The following TAFA4 variants were observed in gnomAD, a reference collection of about 807,000 sequenced individuals.
TAFA4 encodes the protein TAFA chemokine like family member 4.
A neutral mutation model predicts 21.1 loss-of-function variants in TAFA4; 20 were observed. The ratio of observed to expected loss-of-function variants is 0.95; its 90% confidence interval spans 0.67 to 1.38. TAFA4 has a LOEUF of 1.38. Ranked by LOEUF, TAFA4 falls within the 40% of genes most tolerant of loss-of-function variation. The pLI is 0.00. For synonymous variants in TAFA4, 71 were observed against 67.4 expected (o/e 1.05, Z -0.26); for missense variants, 211 against 180.9 (o/e 1.17, Z -0.95).
chr3:68,873,960 C>T (rs926034720), intron 3 of TAFA4, among the ~76,000 whole-genome samples: 20 of 152,132 alleles, frequency 1.3e-4, no homozygotes, highest in Admixed American at 1.2e-3. Context: ...TGAAAAATTG[C>T]CTGCTGCTAA....
At chr3:68,737,705 G>C (rs923124519) in intron 5 of TAFA4, among the ~76,000 whole-genome samples, 1 of 152,072 alleles carries the variant, frequency 6.6e-6, no homozygotes, top group African/African-American at 2.4e-5. Flanking sequence ...TTCACACTTA[G>C]AAGGAGAACT....
At chr3:68,789,135 G>A (rs1703317378) in intron 3 of TAFA4, among the ~76,000 whole-genome samples, 1 of 151,950 alleles carries the variant, frequency 6.6e-6, no homozygotes, top group Admixed American at 6.6e-5. Flanking sequence ...GGGGGCTGAG[G>A]CAGGAGAATG....
intron 4 of TAFA4, among the ~76,000 whole-genome samples, chr3:68,744,329 G>T (rs1049930697): frequency 6.6e-5 from 10 of 152,194 alleles, no homozygotes; most frequent in African/African-American, 2.4e-4. Flanking sequence ...AGGGTGTCTG[G>T]GAAGGAACCA....
intron 1 of TAFA4, among the ~76,000 whole-genome samples, chr3:68,904,926 G>A (rs1032358010): frequency 1.6e-4 from 24 of 152,172 alleles, no homozygotes; most frequent in African/African-American, 5.6e-4. Flanking sequence ...TGCAGCTGTG[G>A]CCAAAATCAG....
intron 3 of TAFA4, among the ~76,000 whole-genome samples, chr3:68,860,566 G>A (rs2089323348): frequency 6.6e-6 from 1 of 152,094 alleles, no homozygotes; most frequent in African/African-American, 2.4e-5. Context: ...GGATTAAAAG[G>A]AAAACTGAAT....
At chr3:68,927,485 T>C (rs1038354824) in intron 1 of TAFA4, among the ~76,000 whole-genome samples, 9 of 152,256 alleles carry the variant, frequency 5.9e-5, no homozygotes, top group South Asian at 2.1e-4. Context: ...TAGAATGTTC[T>C]ATTGCTTTCT....
intron 1 of TAFA4, among the ~76,000 whole-genome samples, chr3:68,891,581 T>C (rs1024852521): frequency 3.9e-5 from 6 of 152,104 alleles, no homozygotes; most frequent in African/African-American, 1.4e-4. Flanking sequence ...ATGTAAGAGG[T>C]GACACCCTAA....
At chr3:68,768,471 A>C (rs1284153747) in intron 3 of TAFA4, among the ~76,000 whole-genome samples, 1 of 152,210 alleles carries the variant, frequency 6.6e-6, no homozygotes, top group Admixed American at 6.5e-5. Context: ...ATGTGGAGAA[A>C]ATGGAGTGGT....
chr3:68,771,364 G>A (rs1024474168), intron 3 of TAFA4, among the ~76,000 whole-genome samples: 7 of 152,226 alleles, frequency 4.6e-5, no homozygotes, highest in Non-Finnish European at 1.0e-4. Flanking sequence ...GGGAATCGCA[G>A]ACATGACACC....
chr3:68,931,239 A>G (rs1421164673), intron 1 of TAFA4, among the ~76,000 whole-genome samples: 3 of 152,048 alleles, frequency 2.0e-5, no homozygotes, highest in African/African-American at 4.8e-5. Flanking sequence ...GTTAAAAGGG[A>G]AAAGAGTTCA....
intron 3 of TAFA4, among the ~76,000 whole-genome samples, chr3:68,797,844 T>C (rs901054104): frequency 1.3e-5 from 2 of 152,118 alleles, no homozygotes; most frequent in African/African-American, 2.4e-5. Flanking sequence ...AGTTTCAGCT[T>C]TGTAAAATGA....
chr3:68,930,850 T>A (rs2090151832), intron 1 of TAFA4, among the ~76,000 whole-genome samples: 1 of 152,220 alleles, frequency 6.6e-6, no homozygotes. Context: ...AAGTCATACA[T>A]TTGTTCTCAG....
chr3:68,753,334 G>GTTT (rs4065540), intron 3 of TAFA4, among the ~76,000 whole-genome samples: 21,505 of 114,204 alleles, frequency 0.19, 3,036 homozygotes, highest in East Asian at 0.59. Flanking sequence ...GATTGATAGA[G>GTTT]TTTTTTTTTT....
chr3:68,924,257 A>T (rs1450322680), intron 1 of TAFA4, among the ~76,000 whole-genome samples: 1 of 152,254 alleles, frequency 6.6e-6, no homozygotes, highest in Non-Finnish European at 1.5e-5. Context: ...AAGGACAAAT[A>T]AAAAATAAAG....
intron 3 of TAFA4, among the ~76,000 whole-genome samples, chr3:68,802,910 G>T (rs759266983): frequency 6.6e-6 from 1 of 152,202 alleles, no homozygotes; most frequent in Non-Finnish European, 1.5e-5. Flanking sequence ...TTGAAGTGGA[G>T]CTTTGATTGC....
chr3:68,930,183 CAT>C lies in TAFA4; in HGVS notation c.-123+2055_-123+2056del, dbSNP rs201623974. Among the ~76,000 whole-genome samples the C allele has an allele frequency of 2.0e-4, 30 of 152,232 alleles. No homozygotes were observed. The East Asian group carries it at 5.6e-3, about 28-fold the overall frequency. ...TGGAACTAGGTCATCAAACAATACA[CAT>C]GTCTAAAAAGATCAGAAAATGAATA... On this transcript the variant is annotated intron_variant, in intron 1 of 5. Coordinates refer to ENST00000295569, the MANE Select transcript of TAFA4 (RefSeq NM_182522.5).
Position 68,767,223 on chromosome 3 carries a change from T to C in TAFA4, c.131-14205A>G, listed in dbSNP as rs184201142. Among the ~76,000 whole-genome samples the C allele has an allele frequency of 1.8e-3, 279 of 152,226 alleles. 1 individual carries two copies. Among genetic ancestry groups the C allele is most frequent in the African/African-American group, 6.4e-3 (268 of 41,552 alleles). On this transcript the variant is annotated intron_variant, in intron 3 of 5. Coordinates refer to ENST00000295569, the MANE Select transcript of TAFA4 (RefSeq NM_182522.5). ...AATTATTTAATAATTTACCAGAGGATATGCTATAGCAAAATAAAAGGGTAG... is the reference window on the plus strand; with the variant it reads ...AATTATTTAATAATTTACCAGAGGACATGCTATAGCAAAATAAAAGGGTAG...
At chr3:68,869,429 T>C (rs11128102) in intron 3 of TAFA4, among the ~76,000 whole-genome samples, 28,251 of 151,924 alleles carry the variant, frequency 0.19, 3,947 homozygotes, top group East Asian at 0.66. Context: ...CAAGCCAATA[T>C]CCCTGATGAA....
intron 3 of TAFA4, among the ~76,000 whole-genome samples, chr3:68,762,791 C>T (rs1702780155): frequency 6.6e-6 from 1 of 152,218 alleles, no homozygotes; most frequent in Non-Finnish European, 1.5e-5. Context: ...GTAATCTCAG[C>T]ACTGTGGGAG....
Sources: allele counts gnomAD v4.1 joint callset (sites outside exome capture counted in the v4.1 genomes callset), GRCh38; gene constraint gnomAD v4.1.1; transcripts MANE v1.5; gene names NCBI Gene and HGNC (gene_info 2026-07-23, HGNC 2026-07-21).